OSBPL10: variants seen among roughly 807,000 people sequenced by gnomAD.
OSBPL10 encodes the protein oxysterol-binding protein-related protein 10.
A neutral mutation model predicts 81.7 loss-of-function variants in OSBPL10; 49 were observed. The ratio of observed to expected loss-of-function variants is 0.60; its 90% CI spans 0.48 to 0.76. The LOEUF is 0.76. OSBPL10 is among the 30% of genes least tolerant of loss of function. The pLI is 0.00. For missense variants in OSBPL10, 923 were observed against 987.8 expected (o/e 0.93, Z 0.88); for synonymous variants, 419 against 383.6 (o/e 1.09, Z -1.08).
chr3:31,818,502 C>T (rs548357217), intron 4 of OSBPL10, among the ~76,000 whole-genome samples: 11 of 152,268 alleles, frequency 7.2e-5, no homozygotes, highest in East Asian at 5.8e-4. Context: ...TCCATCTCTC[C>T]GAAGAACCCT....
intron 1 of OSBPL10, among the ~76,000 whole-genome samples, chr3:31,959,021 C>A (rs1435286921): frequency 6.6e-6 from 1 of 152,136 alleles, no homozygotes; most frequent in Non-Finnish European, 1.5e-5. Flanking sequence ...AGGGTCAGGG[C>A]CCTAGAAGAC....
At chr3:31,697,359 T>C (rs1695754667) in intron 7 of OSBPL10, among the ~76,000 whole-genome samples, 1 of 148,068 alleles carries the variant, frequency 6.8e-6, no homozygotes. Context: ...GCTAAGCCCA[T>C]TCCAGATTGC....
intron 6 of OSBPL10, among the ~76,000 whole-genome samples, chr3:31,731,645 C>G (rs980598936): frequency 4.1e-4 from 63 of 152,168 alleles, no homozygotes; most frequent in African/African-American, 1.4e-3. Context: ...TGTGCCACCA[C>G]GCCCAGCTAA....
In OSBPL10 at chr3:31,802,937, T is replaced by C. The variant is rs142022096; in HGVS notation, c.729+27103A>G. ...GTCCATCTACAAGGGAATAACAAAC[T>C]TGTACCTTATTTAGACAATGGTATT... On this transcript the variant is annotated intron_variant, in intron 4 of 11. Transcript: ENST00000396556. 9.6e-4 allele frequency among the ~76,000 whole-genome samples: 145 copies of C among 150,398 alleles called. 1 individual carries two copies. Among genetic ancestry groups the C allele is most frequent in the Middle Eastern group, 7.1e-3 (2 of 282 alleles).
intron 1 of OSBPL10, among the ~76,000 whole-genome samples, chr3:31,910,374 C>T (rs1696539621): frequency 6.6e-6 from 1 of 151,926 alleles, no homozygotes; most frequent in African/African-American, 2.4e-5. Context: ...GTGGCTCACG[C>T]CTGTAATCCC....
chr3:31,927,598 G>A (rs538519474), intron 1 of OSBPL10, among the ~76,000 whole-genome samples: 1 of 152,254 alleles, frequency 6.6e-6, no homozygotes, highest in South Asian at 2.1e-4. Context: ...AAGGAACAGA[G>A]GCTTGTCCCT....
At position 31,670,901 on chromosome 3, in the gene OSBPL10, C is replaced by A. The variant is rs3749405; in HGVS notation, c.1809G>T (p.Pro603=). Reference sequence around the variant, plus strand: ...TGACTTTTCCTCCGAGCTCCACCCACGGGATGGTGAGAATGGACCGGGCGT... The same window carrying A: ...TGACTTTTCCTCCGAGCTCCACCCAAGGGATGGTGAGAATGGACCGGGCGT... ...SAYARSILTI[P]WVELGGKVSI... Residue 603 remains proline, a synonymous_variant, in exon 9 of 12, where the codon CCG becomes CCT. Transcript: ENST00000396556. 8.7e-6 allele frequency: 14 copies of A among 1,613,934 alleles called. No homozygotes were observed. The Admixed American group carries it at 2.2e-4, about 25-fold the overall frequency.
chr3:31,689,592 C>T (rs1192710252), intron 7 of OSBPL10, among the ~76,000 whole-genome samples: 2 of 152,118 alleles, frequency 1.3e-5, no homozygotes, highest in African/African-American at 2.4e-5. Context: ...ACAATTCCCA[C>T]GTGTCGTGGG....
At chr3:31,718,464 G>A (rs1237962449) in intron 6 of OSBPL10, among the ~76,000 whole-genome samples, 1 of 152,124 alleles carries the variant, frequency 6.6e-6, no homozygotes, top group Non-Finnish European at 1.5e-5. Context: ...ATAACACCAT[G>A]ATGACTTTCC....
At chr3:31,918,758 CATCT>C (rs1696829410) in intron 1 of OSBPL10, among the ~76,000 whole-genome samples, 1 of 152,146 alleles carries the variant, frequency 6.6e-6, no homozygotes. Context: ...ACTGCTAGAC[CATCT>C]ATTAATAAAT....
intron 4 of OSBPL10, among the ~76,000 whole-genome samples, chr3:31,798,493 A>G (rs527530453): frequency 1.3e-5 from 2 of 152,252 alleles, no homozygotes; most frequent in African/African-American, 4.8e-5. Flanking sequence ...AAAATACATA[A>G]AATATTACAT....
At chr3:31,985,868 T>C (rs1698926635), upstream of OSBPL10, among the ~76,000 whole-genome samples, 1 of 152,136 alleles carries the variant, frequency 6.6e-6, no homozygotes, top group Non-Finnish European at 1.5e-5. Context: ...AACAACCACA[T>C]GAGGAGATCT....
intron 1 of OSBPL10, among the ~76,000 whole-genome samples, chr3:31,893,849 G>A (rs1559508220): frequency 6.6e-6 from 1 of 152,206 alleles, no homozygotes; most frequent in African/African-American, 2.4e-5. Context: ...AAGGGTGGGA[G>A]CAGGATTAGC....
chr3:31,912,521 C>T (rs1696612455), intron 1 of OSBPL10, among the ~76,000 whole-genome samples: 1 of 152,118 alleles, frequency 6.6e-6, no homozygotes, highest in African/African-American at 2.4e-5. Context: ...GTTTTCTAAA[C>T]TCTTAGAATG....
intron 4 of OSBPL10, chr3:31,797,841 C>T (rs1480095990): frequency 6.6e-6 from 3 of 455,002 alleles, no homozygotes; most frequent in African/African-American, 6.0e-5. Flanking sequence ...CAAGCCTTCA[C>T]CTATAAAAAT....
intron 1 of OSBPL10, among the ~76,000 whole-genome samples, chr3:31,945,048 G>A (rs1362154165): frequency 6.7e-6 from 1 of 150,296 alleles, no homozygotes; most frequent in Non-Finnish European, 1.5e-5. Flanking sequence ...CTACTCGGGA[G>A]GCCACGGCAG....
intron 1 of OSBPL10, among the ~76,000 whole-genome samples, chr3:31,948,481 C>A (rs994449599): frequency 1.3e-5 from 2 of 152,298 alleles, no homozygotes; most frequent in Admixed American, 1.3e-4. Context: ...TTCCACCTAC[C>A]TTCTGCCTAA....
chr3:31,765,361 T>C (rs1010095102), intron 4 of OSBPL10, among the ~76,000 whole-genome samples: 5 of 152,192 alleles, frequency 3.3e-5, no homozygotes, highest in African/African-American at 7.2e-5. Context: ...TGTTACTAAT[T>C]TGTTAATTTC....
chr3:31,698,301 A>G (rs1030547179), intron 7 of OSBPL10, among the ~76,000 whole-genome samples: 2 of 151,828 alleles, frequency 1.3e-5, no homozygotes, highest in Non-Finnish European at 2.9e-5. Flanking sequence ...AATACAAAAA[A>G]TTAGCTGGGC....
Sources: allele counts gnomAD v4.1 joint callset (sites outside exome capture counted in the v4.1 genomes callset), GRCh38; gene constraint gnomAD v4.1.1; transcripts MANE v1.5; gene names NCBI Gene and HGNC (gene_info 2026-07-23, HGNC 2026-07-21).